The following LUZP2 variants were observed in gnomAD, a reference collection of about 807,000 sequenced individuals.
The protein encoded by LUZP2 is leucine zipper protein 2.
Under a neutral mutation model 51.6 loss-of-function variants are expected in LUZP2, and 52 were observed. That is an observed-to-expected ratio of 1.01 (90% CI 0.81 to 1.27). The LOEUF is 1.27. Ranked by LOEUF, LUZP2 falls within the 50% of genes most tolerant of loss-of-function variation. LUZP2 has a pLI of 0.00. For synonymous variants in LUZP2, 154 were observed against 137.3 expected (o/e 1.12, Z -0.85); for missense variants, 436 against 395.4 (o/e 1.10, Z -0.87).
intron 1 of LUZP2, among the ~76,000 whole-genome samples, chr11:24,713,306 T>C (rs1857909678): frequency 6.6e-6 from 1 of 152,164 alleles, no homozygotes; most frequent in Non-Finnish European, 1.5e-5. Context: ...AGGAAAAAAC[T>C]ACCTGTGTCA....
intron 9 of LUZP2, among the ~76,000 whole-genome samples, chr11:24,999,504 A>T (rs1270146550): frequency 6.6e-6 from 1 of 151,652 alleles, no homozygotes; most frequent in Admixed American, 6.6e-5. Flanking sequence ...AGAGAAGGAG[A>T]AGAAGAGGAG....
intron 10 of LUZP2, among the ~76,000 whole-genome samples, chr11:25,054,193 G>A (rs1289242993): frequency 2.0e-5 from 3 of 152,140 alleles, no homozygotes; most frequent in Admixed American, 6.5e-5. Flanking sequence ...ATACATCTAA[G>A]AAAAATTATT....
intron 9 of LUZP2, among the ~76,000 whole-genome samples, chr11:24,995,320 G>C (rs577123014): frequency 6.6e-6 from 1 of 152,134 alleles, no homozygotes; most frequent in Non-Finnish European, 1.5e-5. Context: ...TTCAGCAAGG[G>C]GGGCAGAGAT....
At chr11:24,950,595 CT>C (rs1297116874) in intron 7 of LUZP2, among the ~76,000 whole-genome samples, 4 of 151,644 alleles carry the variant, frequency 2.6e-5, no homozygotes, top group African/African-American at 9.6e-5. Context: ...TTTAGCAGTT[CT>C]TTTTGTCTTT....
chr11:24,680,023 C>T (rs1856681328), intron 1 of LUZP2, among the ~76,000 whole-genome samples: 2 of 152,140 alleles, frequency 1.3e-5, no homozygotes, highest in African/African-American at 4.8e-5. Flanking sequence ...CATCCCCATT[C>T]TTTGTAGACA....
At chr11:24,607,061 A>C (rs1415533278) in intron 1 of LUZP2, among the ~76,000 whole-genome samples, 1 of 151,882 alleles carries the variant, frequency 6.6e-6, no homozygotes, top group Non-Finnish European at 1.5e-5. Context: ...TTATCAGTTA[A>C]ATTATTTTTT....
chr11:24,526,435 A>C (rs112665177), intron 1 of LUZP2, among the ~76,000 whole-genome samples: 1 of 137,648 alleles, frequency 7.3e-6, no homozygotes, highest in South Asian at 2.4e-4. Flanking sequence ...TTTGGGATAC[A>C]ATTTTAATCC....
intron 7 of LUZP2, among the ~76,000 whole-genome samples, chr11:24,958,658 T>G (rs1298160737): frequency 1.3e-5 from 2 of 152,152 alleles, no homozygotes; most frequent in African/African-American, 4.8e-5. Flanking sequence ...TATTAGCCCT[T>G]TGTCAGATGA....
intron 9 of LUZP2, among the ~76,000 whole-genome samples, chr11:25,037,558 G>A (rs2134001035): frequency 6.6e-6 from 1 of 152,168 alleles, no homozygotes; most frequent in East Asian, 1.9e-4. Context: ...TAGTGCCAGG[G>A]GGCCGTGAGC....
At chr11:24,717,829 T>G (rs1299827191) in intron 1 of LUZP2, among the ~76,000 whole-genome samples, 2 of 151,364 alleles carry the variant, frequency 1.3e-5, no homozygotes, top group African/African-American at 4.9e-5. Flanking sequence ...TACCTCCTAC[T>G]TATAAACGAG....
At chr11:24,751,069 T>A (rs1467475874) in intron 4 of LUZP2, among the ~76,000 whole-genome samples, 2 of 152,162 alleles carry the variant, frequency 1.3e-5, no homozygotes, top group African/African-American at 4.8e-5. Flanking sequence ...AATAAACCAT[T>A]TTCTTTTTGA....
At chr11:24,982,942 C>T (rs1027838270) in intron 8 of LUZP2, among the ~76,000 whole-genome samples, 184 bp from the exon 9 acceptor site, 1 of 151,614 alleles carries the variant, frequency 6.6e-6, no homozygotes, top group Admixed American at 6.6e-5. Context: ...TGCATTAGCT[C>T]CTAGAAACAG....
chr11:24,779,406 A>C (rs908767777), intron 5 of LUZP2, among the ~76,000 whole-genome samples: 3 of 152,216 alleles, frequency 2.0e-5, no homozygotes, highest in African/African-American at 7.2e-5. Context: ...TTCATCATAC[A>C]TGTCACACTT....
At chr11:24,864,687 AT>A (rs1851836523) in intron 5 of LUZP2, among the ~76,000 whole-genome samples, 1 of 152,138 alleles carries the variant, frequency 6.6e-6, no homozygotes, top group African/African-American at 2.4e-5. Context: ...AAGTCTGGAG[AT>A]TCACACTAAT....
chr11:24,729,021 T>C (rs1183327884), intron 1 of LUZP2, 148 bp from the exon 2 acceptor site: 3 of 453,204 alleles, frequency 6.6e-6, no homozygotes, highest in Non-Finnish European at 8.0e-6. Flanking sequence ...AATTTTCCCC[T>C]TTTATATGAA....
chr11:24,940,590 C>A (rs1035381177), intron 7 of LUZP2, among the ~76,000 whole-genome samples: 1 of 152,106 alleles, frequency 6.6e-6, no homozygotes, highest in Non-Finnish European at 1.5e-5. Context: ...GTTATACAGT[C>A]ATTTTGCAAA....
chr11:24,500,145 G>A (rs1849950977), intron 1 of LUZP2, among the ~76,000 whole-genome samples: 1 of 152,056 alleles, frequency 6.6e-6, no homozygotes, highest in African/African-American at 2.4e-5. Flanking sequence ...CCCAATCAGA[G>A]TTAATGTATT....
chr11:24,618,388 G>A (rs115826839), intron 1 of LUZP2, among the ~76,000 whole-genome samples: 1,624 of 152,238 alleles, frequency 0.011, 25 homozygotes, highest in African/African-American at 0.037. Flanking sequence ...AGTCTAGGGT[G>A]CCTCATGAGA....
rs966728815 is a variant in LUZP2 at position 24,654,776 on chromosome 11, C to T, written c.63-74393C>T. Reference sequence around the variant, plus strand: ...CTGGCCTTAGGTGATCCACCCGCTTCGGCCTCCAAAAGTGCTGGGATTACA... The same window carrying T: ...CTGGCCTTAGGTGATCCACCCGCTTTGGCCTCCAAAAGTGCTGGGATTACA... On this transcript the variant is annotated intron_variant, in intron 1 of 11. Coordinates refer to ENST00000336930, the MANE Select transcript of LUZP2 (RefSeq NM_001009909.4). Among the ~76,000 whole-genome samples the T allele has an allele frequency of 1.5e-4, 23 of 151,892 alleles. 1 individual carries two copies. Among genetic ancestry groups the T allele is most frequent in the South Asian group, 2.1e-4 (1 of 4,782 alleles).
Sources: allele counts gnomAD v4.1 joint callset (sites outside exome capture counted in the v4.1 genomes callset), GRCh38; gene constraint gnomAD v4.1.1; transcripts MANE v1.5; gene names NCBI Gene and HGNC (gene_info 2026-07-23, HGNC 2026-07-21).